Variants in NELFB observed in about 807,000 individuals in gnomAD.
The protein encoded by NELFB is negative elongation factor complex member B, also known as negative elongation factor B.
In NELFB, 34 loss-of-function variants were observed where a neutral mutation model predicts 60.2. That is an observed-to-expected ratio of 0.56 (90% CI 0.43 to 0.75). The LOEUF is 0.75. Ranked by LOEUF, NELFB falls within the 30% of genes least tolerant of loss-of-function variation. NELFB has a pLI of 0.00. For synonymous variants in NELFB, 459 were observed against 382.1 expected, an observed-to-expected ratio of 1.20 and a Z score of -2.35; for missense variants, 770 against 831.6, an observed-to-expected ratio of 0.93 and a Z score of 0.91.
Position 137,256,074 on chromosome 9 carries a change from G to T in NELFB, c.410+4G>T. On this transcript the variant is annotated splice_donor_region_variant and intron_variant, in intron 2 of 12. Transcript: ENST00000343053. Reference sequence around the variant, plus strand: ...CGGAGGGGAAGGCTGAGGAAAGGTGGGTCAGCGGGAGGGGTGGGCAGGTGA... The same window carrying T: ...CGGAGGGGAAGGCTGAGGAAAGGTGTGTCAGCGGGAGGGGTGGGCAGGTGA... 1 of 1,612,440 alleles carries T rather than the reference G, an allele frequency of 6.2e-7. No homozygotes were observed. The highest frequency in any genetic ancestry group is 8.5e-7 in the Non-Finnish European group (1 of 1,179,116).
intron 4 of NELFB, among the ~76,000 whole-genome samples, chr9:137,261,688 G>A (rs1280300874): frequency 6.6e-6 from 1 of 151,146 alleles, no homozygotes; most frequent in East Asian, 1.9e-4. Context: ...TTGATTGGGT[G>A]TAGGGACCAG....
rs201120141 is a variant in NELFB at position 137,272,494 on chromosome 9, C to T, written c.1632-13C>T. ...GCCTGCCTCCTGCCCCAGCCCTGCA[C>T]GGCCTTTTCCAGGAAGGAGAACGTG... On this transcript the variant is annotated splice_polypyrimidine_tract_variant and intron_variant, in intron 11 of 12. Coordinates refer to ENST00000343053, the MANE Select transcript of NELFB (RefSeq NM_015456.5). The T allele has an allele frequency of 5.3e-5, 86 of 1,608,224 alleles. No homozygotes were observed. Among genetic ancestry groups the T allele is most frequent in the Middle Eastern group, 3.4e-4 (2 of 5,858 alleles).
In NELFB at chr9:137,255,394, G is replaced by T. The variant is rs957550976; in HGVS notation, c.29G>T (p.Arg10Leu). The change falls in exon 1 of 13, where the codon CGG (arginine) becomes CTG (leucine). Residue 10 changes from arginine to leucine, a missense_variant. Coordinates refer to ENST00000343053, the MANE Select transcript of NELFB (RefSeq NM_015456.5). ...GCCGAGCTGGAGGGCGCCGGGGAGC[G>T]GGGCTCGGGCGGTCCCCGAGGCCCG... 9.9e-5 allele frequency: 77 copies of T among 775,740 alleles called. 1 individual carries two copies. The highest frequency in any genetic ancestry group is 1.3e-4 in the Non-Finnish European group (71 of 564,538). The allele number at this position is 775,740 out of a possible 1,614,324, so 48.1% of individuals were successfully genotyped here.
At position 137,269,103 on chromosome 9, in the gene NELFB, A is replaced by G. The variant is rs867675757; in HGVS notation, c.1489+1757A>G. On this transcript the variant is annotated intron_variant, in intron 10 of 12. Transcript: ENST00000343053. The surrounding 1 kb of genome is among the most constrained non-coding windows in gnomAD (Gnocchi z 5.3). Reference sequence around the variant, plus strand: ...CACGTCCACACCACAGCACGTGCCTATTGTGTTTCTCGGTGGCTGGTGTGT... The same window carrying G: ...CACGTCCACACCACAGCACGTGCCTGTTGTGTTTCTCGGTGGCTGGTGTGT... Among the ~76,000 whole-genome samples the G allele has an allele frequency of 2.3e-4, 35 of 151,566 alleles. No individual in the cohort carries two copies. In the Middle Eastern group the frequency reaches 0.01, roughly 44 times the overall value.
chr9:137,262,056 T>G (rs545709369), intron 4 of NELFB, among the ~76,000 whole-genome samples: 7 of 152,138 alleles, frequency 4.6e-5, no homozygotes, highest in Non-Finnish European at 8.8e-5. Context: ...GTACTTTCAC[T>G]AATTGACTAC....
At position 137,270,173 on chromosome 9, in the gene NELFB, A is replaced by G. The variant is rs1156405225; in HGVS notation, c.1490-1908A>G. Among the ~76,000 whole-genome samples, 3 of 151,896 alleles carry G rather than the reference A, an allele frequency of 2.0e-5. No homozygotes were observed. In the East Asian group the frequency reaches 5.8e-4, roughly 29 times the overall value. On this transcript the variant is annotated intron_variant, in intron 10 of 12. Coordinates refer to ENST00000343053, the MANE Select transcript of NELFB (RefSeq NM_015456.5). ...GCAGACGTAGGCATCTCTACAAAAG[A>G]AGGATGCGTTTACAGGAGAATCGCT...
Position 137,273,018 on chromosome 9 carries a change from C to G in NELFB, c.*90C>G. ...GGCTCCCGGACCTGGATGTACAGGG[C>G]AGTCTCTCTTCCCGGGGCTATGGCT... is the stretch of plus-strand genomic sequence containing the variant. On this transcript the variant is annotated 3_prime_UTR_variant, in exon 13 of 13. Transcript: ENST00000343053. 1 of 1,350,430 alleles carries G rather than the reference C, an allele frequency of 7.4e-7. No homozygotes were observed. The highest frequency in any genetic ancestry group is 9.8e-7 in the Non-Finnish European group (1 of 1,016,256). The allele number at this position is 1,350,430 out of a possible 1,614,324, so 83.7% of individuals were successfully genotyped here. A position where few individuals can be genotyped will look rare whatever the true frequency, so the allele number is the denominator to read the frequency against.
intron 1 of NELFB, 147 bp from the exon 2 acceptor site, chr9:137,255,760 T>G: frequency 6.8e-7 from 1 of 1,470,640 alleles, no homozygotes; most frequent in Non-Finnish European, 9.2e-7. Context: ...CCAGCACCCC[T>G]TTGCTGGACG....
Position 137,267,027 on chromosome 9 carries a change from T to C in NELFB, c.1323T>C (p.Leu441=), listed in dbSNP as rs1307679928. ...ACACTTTCAATGTGGATCAGAAACT[T>C]CCGGCTGAGGAGAAAGCCCCAGTCT... The change falls in exon 9 of 13, where the codon CTT becomes CTC. Residue 441 remains leucine (L), a synonymous_variant. Transcript: ENST00000343053. 3.7e-6 allele frequency: 6 copies of C among 1,613,966 alleles called. No individual in the cohort carries two copies. In the African/African-American group the frequency reaches 8.0e-5, roughly 22 times the overall value.
intron 4 of NELFB, 61 bp from the exon 5 acceptor site, chr9:137,262,976 C>T (rs552491730): frequency 1.3e-6 from 2 of 1,570,480 alleles, no homozygotes; most frequent in East Asian, 2.3e-5. Flanking sequence ...CCGGGCGTGA[C>T]GTCCCTGTGT....
chr9:137,258,530 C>T (rs999896403), intron 4 of NELFB, among the ~76,000 whole-genome samples: 54 of 150,802 alleles, frequency 3.6e-4, no homozygotes, highest in African/African-American at 1.3e-3. Flanking sequence ...CTCACTGTAA[C>T]CTCTGCCTCC....
chr9:137,257,980 A>G (rs868244014), intron 4 of NELFB, among the ~76,000 whole-genome samples: 1 of 148,742 alleles, frequency 6.7e-6, no homozygotes, highest in African/African-American at 2.5e-5. Context: ...ATATATATAT[A>G]TTTTTGTAGA....
chr9:137,268,601 A>G (rs952055494), intron 10 of NELFB, among the ~76,000 whole-genome samples: 9 of 152,202 alleles, frequency 5.9e-5, no homozygotes, highest in Non-Finnish European at 1.0e-4. Context: ...AACAAAGAGC[A>G]GGGACTTCTC....
At chr9:137,271,463 G>C (rs1830583031) in intron 10 of NELFB, among the ~76,000 whole-genome samples, 1 of 152,280 alleles carries the variant, frequency 6.6e-6, no homozygotes, top group East Asian at 1.9e-4. Flanking sequence ...GGCCCCGTTT[G>C]GGGCGTTGTG....
At chr9:137,258,091 C>A (rs539794782) in intron 4 of NELFB, among the ~76,000 whole-genome samples, 1 of 146,580 alleles carries the variant, frequency 6.8e-6, no homozygotes, top group Non-Finnish European at 1.5e-5. Context: ...AGACATGAGG[C>A]ACCATGCCTA....
At chr9:137,262,329 C>T (rs1257894636) in intron 4 of NELFB, among the ~76,000 whole-genome samples, 3 of 152,192 alleles carry the variant, frequency 2.0e-5, no homozygotes, top group African/African-American at 7.2e-5. Context: ...AGACCCTGGT[C>T]CGCCTGGCAA....
chr9:137,263,373 T>G, intron 5 of NELFB, 151 bp downstream of exon 5: 5 of 168,272 alleles, frequency 3.0e-5, no homozygotes, highest in Non-Finnish European at 2.9e-5. Flanking sequence ...TTCTCCCTTC[T>G]CCCCCGCTCC....
In NELFB at chr9:137,256,777, C is replaced by G. The variant is rs1837559658; in HGVS notation, c.511-47C>G. 1.9e-6 allele frequency: 3 copies of G among 1,583,908 alleles called. No individual in the cohort carries two copies. In the African/African-American group the frequency reaches 4.0e-5, roughly 21 times the overall value. On this transcript the variant is annotated intron_variant, in intron 3 of 12. Transcript: ENST00000343053. The stretch of plus-strand genomic sequence containing the variant: ...GCCTCTTGGCTTGTCTTGAAGGAGA[C>G]CCAGGGACACAGGTGCCACTCACAG...
chr9:137,261,492 T>C (rs927998506), intron 4 of NELFB, among the ~76,000 whole-genome samples: 46 of 151,876 alleles, frequency 3.0e-4, no homozygotes, highest in Non-Finnish European at 2.8e-4. Flanking sequence ...ACCCCGTCTC[T>C]ACTACAATAC....
Sources: allele counts gnomAD v4.1 joint callset (sites outside exome capture counted in the v4.1 genomes callset), GRCh38; gene constraint gnomAD v4.1.1; non-coding constraint Gnocchi (gnomAD v3.1); transcripts MANE v1.5; gene names NCBI Gene and HGNC (gene_info 2026-07-23, HGNC 2026-07-21).